MACROD2: variants seen among roughly 807,000 people sequenced by gnomAD.
MACROD2 encodes mono-ADP ribosylhydrolase 2, also known as ADP-ribose glycohydrolase MACROD2.
Under a neutral mutation model 70.4 loss-of-function variants are expected in MACROD2, and 36 were observed. The observed-to-expected ratio is 0.51, with a 90% CI of 0.39 to 0.68. The LOEUF (loss-of-function observed/expected upper bound fraction) is 0.68, where lower values mean the gene tolerates loss of function less well. Ranked by LOEUF, MACROD2 falls within the 30% of genes least tolerant of loss-of-function variation. The pLI is 0.00. For synonymous variants in MACROD2, 172 were observed against 178.8 expected (o/e 0.96, Z 0.30); for missense variants, 496 against 538.4 (o/e 0.92, Z 0.78).
chr20:15,776,478 C>T (rs1200231447), intron 8 of MACROD2, among the ~76,000 whole-genome samples: 2 of 152,162 alleles, frequency 1.3e-5, no homozygotes, highest in Non-Finnish European at 2.9e-5. Flanking sequence ...CTCTCTGCTC[C>T]ATTTGGTGCT....
chr20:15,317,093 A>G (rs1248410795), intron 6 of MACROD2, among the ~76,000 whole-genome samples: 1 of 152,066 alleles, frequency 6.6e-6, no homozygotes, highest in East Asian at 1.9e-4. Context: ...GTAAATGCCA[A>G]CATTAAAAAT....
chr20:15,134,504 G>A (rs1054068091), intron 5 of MACROD2, among the ~76,000 whole-genome samples: 1 of 152,070 alleles, frequency 6.6e-6, no homozygotes, highest in Non-Finnish European at 1.5e-5. Flanking sequence ...AAATAAAGAT[G>A]TTCTTTGAAA....
At chr20:15,172,172 A>T (rs1420061122) in intron 5 of MACROD2, among the ~76,000 whole-genome samples, 2 of 152,174 alleles carry the variant, frequency 1.3e-5, no homozygotes, top group African/African-American at 2.4e-5. Context: ...TGTCATAGTT[A>T]CCAGGGATCC....
intron 3 of MACROD2, among the ~76,000 whole-genome samples, chr20:14,298,992 G>C (rs1276296602): frequency 1.3e-5 from 2 of 152,092 alleles, no homozygotes; most frequent in Non-Finnish European, 2.9e-5. Context: ...TGTGAACATT[G>C]TTGAAATAAC....
intron 4 of MACROD2, among the ~76,000 whole-genome samples, chr20:14,586,373 C>T (rs1243939585): frequency 1.3e-5 from 2 of 151,976 alleles, no homozygotes; most frequent in African/African-American, 4.8e-5. Flanking sequence ...TCAGTAACAT[C>T]TTTCCTTAAG....
At chr20:15,702,752 C>A (rs1443253661) in intron 8 of MACROD2, among the ~76,000 whole-genome samples, 2 of 151,968 alleles carry the variant, frequency 1.3e-5, no homozygotes, top group East Asian at 3.9e-4. Flanking sequence ...GGAAAATCAA[C>A]GTTATTTTTC....
chr20:15,095,205 T>C (rs2075821735), intron 5 of MACROD2, among the ~76,000 whole-genome samples: 1 of 150,634 alleles, frequency 6.6e-6, no homozygotes. Flanking sequence ...GCCTCCCCAG[T>C]AGCTGGGATT....
chr20:15,536,202 A>G (rs1260677357), intron 8 of MACROD2, among the ~76,000 whole-genome samples: 1 of 152,132 alleles, frequency 6.6e-6, no homozygotes, highest in Non-Finnish European at 1.5e-5. Flanking sequence ...AAGACAGAAC[A>G]GTTTTTGAGC....
intron 8 of MACROD2, among the ~76,000 whole-genome samples, chr20:15,699,753 CCT>C (rs2050429370): frequency 6.6e-6 from 1 of 152,190 alleles, no homozygotes; most frequent in African/African-American, 2.4e-5. Context: ...TGTGCCCTCC[CCT>C]GAGTTCTTGC....
chr20:14,821,207 T>G (rs1487858041), intron 5 of MACROD2, among the ~76,000 whole-genome samples: 3 of 152,106 alleles, frequency 2.0e-5, no homozygotes, highest in African/African-American at 7.2e-5. Context: ...AATGATGACT[T>G]CTTTTTTTCA....
chr20:15,607,002 CAA>C (rs35981862), intron 8 of MACROD2, among the ~76,000 whole-genome samples: 45 of 95,882 alleles, frequency 4.7e-4, no homozygotes, highest in African/African-American at 6.9e-4. Flanking sequence ...AACTCCATCT[CAA>C]AAAAAAAAAA....
At chr20:15,942,572 A>T (rs756789127) in intron 12 of MACROD2, among the ~76,000 whole-genome samples, 5 of 152,198 alleles carry the variant, frequency 3.3e-5, no homozygotes, top group Non-Finnish European at 7.3e-5. Context: ...CTTAAAAACA[A>T]ATTTAGGAGT....
rs188067544 is a variant in MACROD2 at position 15,967,447 on chromosome 20, A to G, written c.908-106A>G. 61 of 952,378 alleles carry G rather than the reference A, an allele frequency of 6.4e-5. No individual in the cohort carries two copies. In the East Asian group the frequency reaches 6.5e-4, roughly 10 times the overall value. 59.0% of individuals were successfully genotyped at this position (952,378 alleles called of 1,614,324 possible). On this transcript the variant is annotated intron_variant, in intron 12 of 17. Coordinates refer to ENST00000684519, the MANE Select transcript of MACROD2 (RefSeq NM_001351661.2). ...ATTTGAGTGGTTATTTTTAAAACGA[A>G]TAAATTCTATTTTTCCTCAAACATA... is the stretch of plus-strand genomic sequence containing the variant.
At chr20:14,618,261 T>G (rs1302857111) in intron 4 of MACROD2, among the ~76,000 whole-genome samples, 1 of 152,126 alleles carries the variant, frequency 6.6e-6, no homozygotes, top group African/African-American at 2.4e-5. Flanking sequence ...TCTTAGGCAG[T>G]GTTTTTTCCA....
At chr20:15,870,078 C>A (rs1024494069) in intron 9 of MACROD2, among the ~76,000 whole-genome samples, 1 of 151,948 alleles carries the variant, frequency 6.6e-6, no homozygotes, top group Non-Finnish European at 1.5e-5. Context: ...TTCTCAACCA[C>A]GTTTCACTTA....
At chr20:15,417,442 A>C (rs1043595088) in intron 6 of MACROD2, among the ~76,000 whole-genome samples, 1 of 151,490 alleles carries the variant, frequency 6.6e-6, no homozygotes, top group African/African-American at 2.4e-5. Flanking sequence ...AATAATAATA[A>C]TAAATATTAG....
chr20:14,138,055 T>C (rs1036669657), intron 3 of MACROD2, among the ~76,000 whole-genome samples: 1 of 152,128 alleles, frequency 6.6e-6, no homozygotes, highest in Non-Finnish European at 1.5e-5. Context: ...CAGTGAGATA[T>C]CACTGCATAC....
At chr20:15,879,562 G>A (rs1303563835) in intron 9 of MACROD2, among the ~76,000 whole-genome samples, 2 of 152,104 alleles carry the variant, frequency 1.3e-5, no homozygotes, top group Non-Finnish European at 1.5e-5. Flanking sequence ...CAGTAAATTT[G>A]TCTCATAAAA....
At position 15,265,851 on chromosome 20, in the gene MACROD2, T is replaced by G. The variant is rs554986890; in HGVS notation, c.540+35790T>G. On this transcript the variant is annotated intron_variant, in intron 6 of 17. Transcript: ENST00000684519. ...AAGGTTGATTTCTGATTTCTCTAAC[T>G]TCTGTTGTGTCTGCATTTCTCTCCT... 7.9e-5 allele frequency among the ~76,000 whole-genome samples: 12 copies of G among 152,348 alleles called. No homozygotes were observed. In the South Asian group the frequency reaches 1.2e-3, roughly 16 times the overall value.
Sources: gnomAD v4.1 joint callset for allele counts (sites outside exome capture counted in the v4.1 genomes callset) on GRCh38, gnomAD v4.1.1 for gene constraint, MANE v1.5 for transcripts, NCBI Gene and HGNC (gene_info 2026-07-23, HGNC 2026-07-21) for gene names.